CD47: variants seen among roughly 807,000 people sequenced by gnomAD.
CD47 encodes the protein leukocyte surface antigen CD47.
A neutral mutation model predicts 44.6 loss-of-function variants in CD47; 11 were observed. That is an observed-to-expected ratio of 0.25 (90% CI 0.16 to 0.41). The LOEUF (loss-of-function observed/expected upper bound fraction) is 0.41, where lower values mean the gene tolerates loss of function less well. Among genes scored for constraint, CD47 ranks in the 10% least tolerant of loss-of-function variants. CD47 has a pLI of 1.00. For synonymous variants in CD47, 140 were observed against 136.3 expected (o/e 1.03, Z -0.19); for missense variants, 306 against 386.7 (o/e 0.79, Z 1.75).
intron 3 of CD47, among the ~76,000 whole-genome samples, chr3:108,062,111 G>A (rs555492771): frequency 2.6e-5 from 4 of 152,144 alleles, no homozygotes; most frequent in East Asian, 3.9e-4. Flanking sequence ...CAGTTACACA[G>A]TTGAGTAACT....
intron 2 of CD47, among the ~76,000 whole-genome samples, chr3:108,075,418 C>T (rs2079291998): frequency 6.6e-6 from 1 of 152,096 alleles, no homozygotes; most frequent in African/African-American, 2.4e-5. Context: ...CTCCTTCAAA[C>T]TCCCACAAAC....
rs560214016 is a variant in CD47 at position 108,048,958 on chromosome 3, T to C, written c.967+661A>G. ...TATGTTAAGGTAAAACCAAAATAAA[T>C]GCTTGTAGCACTCAATATCTCAAAC... is the stretch of plus-strand genomic sequence containing the variant. On this transcript the variant is annotated intron_variant, in intron 10 of 10. Transcript: ENST00000361309. Among the ~76,000 whole-genome samples, 4 of 152,274 alleles carry C rather than the reference T, an allele frequency of 2.6e-5. No homozygotes were observed. In the East Asian group the frequency reaches 7.7e-4, roughly 29 times the overall value.
intron 3 of CD47, among the ~76,000 whole-genome samples, chr3:108,062,896 C>T (rs1005942526): frequency 1.3e-5 from 2 of 151,432 alleles, no homozygotes; most frequent in African/African-American, 2.4e-5. Context: ...CCTCATGATC[C>T]ACCTGCCACG....
chr3:108,057,562 T>C lies in CD47; in HGVS notation c.792A>G (p.Ile264Met), dbSNP rs369761147. 15 of 1,494,562 alleles carry C rather than the reference T, an allele frequency of 1.0e-5. No individual in the cohort carries two copies. The highest frequency in any genetic ancestry group is 1.3e-5 in the Non-Finnish European group (14 of 1,074,356). The allele number at this position is 1,494,562 out of a possible 1,614,324, so 92.6% of individuals were successfully genotyped here. A position where few individuals can be genotyped will look rare whatever the true frequency, so the allele number is the denominator to read the frequency against. The change falls in exon 7 of 11, where the codon ATA (isoleucine) becomes ATG (methionine). Residue 264 changes from isoleucine (I) to methionine (M), a missense_variant. By Grantham distance (10) the Ile-to-Met change is conservative. Around this residue, in one of 5 missense-constraint regions of CD47, gnomAD observed 131 missense variants for 135.3 expected, o/e 0.97. Transcript: ENST00000361309. The part of the protein sequence containing the change: ...VGLSLCIAAC[I>M]PMHGPLLISG... ...AAATCAGAAGAGGGCCATGCATTGGTATACACGCTGTAAAAACAAATAAAA... is the reference window on the plus strand; with the variant it reads ...AAATCAGAAGAGGGCCATGCATTGGCATACACGCTGTAAAAACAAATAAAA...
intron 2 of CD47, 52 bp downstream of exon 2, chr3:108,079,939 G>T: frequency 8.0e-7 from 1 of 1,244,160 alleles, no homozygotes; most frequent in South Asian, 1.4e-5. Flanking sequence ...CTCGAAAGAG[G>T]ATCAGGTTGC....
rs149019300 is a variant in CD47, at chr3:108,049,623, A to G, written c.963T>C (p.Asn321=). The stretch of plus-strand genomic sequence containing the variant: ...TTAAGTGCATTTTATACTTACCATC[A>G]TTCATCATTCCTTTTGATTCTTTGA... ...NAFKESKGMM[N]DE The change falls in exon 10 of 11, where the codon AAT becomes AAC. Residue 321 remains asparagine (N), a synonymous_variant. Transcript: ENST00000361309. 8 of 1,582,932 alleles carry G rather than the reference A, an allele frequency of 5.1e-6. No individual in the cohort carries two copies. The East Asian group carries it at 1.8e-4, about 35-fold the overall frequency.
chr3:108,045,588 T>C lies in CD47; in HGVS notation c.*1700A>G, dbSNP rs1056379234. Reference sequence around the variant, plus strand: ...TTTTTTTCAAGAAGAGCTGTCTTGCTAGTATGCTCAGTTTTCTGAGAGGCC... The same window carrying C: ...TTTTTTTCAAGAAGAGCTGTCTTGCCAGTATGCTCAGTTTTCTGAGAGGCC... On this transcript the variant is annotated 3_prime_UTR_variant, in exon 11 of 11. Transcript: ENST00000361309. 3.3e-5 allele frequency: 5 copies of C among 152,578 alleles called. No individual in the cohort carries two copies. Among genetic ancestry groups the C allele is most frequent in the African/African-American group, 1.2e-4 (5 of 41,522 alleles). The allele number at this position is 152,578 out of a possible 1,614,324, so 9.5% of individuals were successfully genotyped here.
chr3:108,061,274 A>T (rs1576996077), intron 3 of CD47, among the ~76,000 whole-genome samples: 2 of 151,054 alleles, frequency 1.3e-5, no homozygotes, highest in Non-Finnish European at 2.9e-5. Flanking sequence ...GTTTTCAGAC[A>T]TTGTCAATGC....
chr3:108,078,486 C>G (rs1392074609), intron 2 of CD47, among the ~76,000 whole-genome samples: 2 of 151,808 alleles, frequency 1.3e-5, no homozygotes, highest in Non-Finnish European at 1.5e-5. Flanking sequence ...TCCCCCATAT[C>G]TTATTCTTTC....
intron 1 of CD47, among the ~76,000 whole-genome samples, chr3:108,083,421 C>T (rs2079454987): frequency 6.6e-6 from 1 of 152,008 alleles, no homozygotes; most frequent in East Asian, 1.9e-4. Flanking sequence ...ATGCAATCAA[C>T]ATTTGTCAAG....
chr3:108,071,058 C>T, intron 3 of CD47, 35 bp downstream of exon 3: 1 of 911,708 alleles, frequency 1.1e-6, no homozygotes, highest in Non-Finnish European at 1.7e-6. Context: ...TATATCATCA[C>T]TGAAACATAA....
At chr3:108,076,576 C>T (rs778365976) in intron 2 of CD47, among the ~76,000 whole-genome samples, 11 of 152,134 alleles carry the variant, frequency 7.2e-5, no homozygotes, top group African/African-American at 2.4e-4. Flanking sequence ...TTGAACAATA[C>T]CTTGAATCTC....
chr3:108,058,868 C>A (rs558685997), intron 5 of CD47, among the ~76,000 whole-genome samples: 1 of 152,122 alleles, frequency 6.6e-6, no homozygotes, highest in Non-Finnish European at 1.5e-5. Flanking sequence ...CAATGTACAA[C>A]GAGCCAGAGA....
rs1334868918 is a variant in CD47 at position 108,046,128 on chromosome 3, G to A, written c.*1160C>T. On this transcript the variant is annotated 3_prime_UTR_variant, in exon 11 of 11. Transcript: ENST00000361309. ...CTTCTAACCAGGATAGGAAATGTGG[G>A]TTTTGTTTACTTTTCAATCATAGGG... The A allele has an allele frequency of 6.6e-6, 1 of 152,550 alleles. No homozygotes were observed. Among genetic ancestry groups the A allele is most frequent in the Admixed American group, 6.5e-5 (1 of 15,284 alleles). The allele number at this position is 152,550 out of a possible 1,614,324, so 9.4% of individuals were successfully genotyped here. A position where few individuals can be genotyped will look rare whatever the true frequency, so the allele number is the denominator to read the frequency against.
At chr3:108,049,388 C>T (rs1361483286) in intron 10 of CD47, among the ~76,000 whole-genome samples, 2 of 152,306 alleles carry the variant, frequency 1.3e-5, no homozygotes, top group Non-Finnish European at 2.9e-5. Context: ...TTTCTCTTTG[C>T]TGGGAGCCAT....
rs138637996 is a variant in CD47, at chr3:108,051,836, T to A, written c.909+103A>T. 6 of 876,552 alleles carry A rather than the reference T, an allele frequency of 6.8e-6. No individual in the cohort carries two copies. The South Asian group carries it at 7.9e-5, about 11-fold the overall frequency. 54.3% of individuals were successfully genotyped at this position (876,552 alleles called of 1,614,324 possible). A position where few individuals can be genotyped will look rare whatever the true frequency, so the allele number is the denominator to read the frequency against. On this transcript the variant is annotated intron_variant, in intron 8 of 10. Transcript: ENST00000361309. ...GCAATGACTTCAACATTCTCTTAAT[T>A]TGACGTGAGACAAAACAGATAGCAA...
chr3:108,055,699 C>G, intron 7 of CD47: 1 of 405,672 alleles, frequency 2.5e-6, no homozygotes. Context: ...TATATGCTAA[C>G]CTATGACAAA....
intron 10 of CD47, among the ~76,000 whole-genome samples, chr3:108,049,225 T>C (rs1399419207): frequency 6.6e-6 from 1 of 151,380 alleles, no homozygotes; most frequent in Non-Finnish European, 1.5e-5. Flanking sequence ...TCCCCATGGG[T>C]TAAATGCAAC....
intron 6 of CD47, 98 bp downstream of exon 6, chr3:108,058,239 G>A: frequency 1.5e-6 from 1 of 674,170 alleles, no homozygotes; most frequent in South Asian, 2.6e-5. Context: ...AAAAAATCAA[G>A]TCTATATATT....
Sources: allele counts gnomAD v4.1 joint callset (sites outside exome capture counted in the v4.1 genomes callset), GRCh38; gene constraint gnomAD v4.1.1; regional missense constraint gnomAD v4.1.1; transcripts MANE v1.5; gene names NCBI Gene and HGNC (gene_info 2026-07-23, HGNC 2026-07-21).